SYNJ2BP: variants seen among roughly 807,000 people sequenced by gnomAD.
SYNJ2BP encodes synaptojanin-2-binding protein.
SYNJ2BP carries 10 observed loss-of-function variants against 16.9 expected under a neutral mutation model. That is an observed-to-expected ratio of 0.59 (90% CI 0.36 to 1.00). SYNJ2BP has a LOEUF of 1.00. SYNJ2BP is among the 50% of genes least tolerant of loss of function. The pLI is 0.01. For synonymous variants in SYNJ2BP, 54 were observed against 68.4 expected, an observed-to-expected ratio of 0.79 and a Z score of 1.04; for missense variants, 162 against 186.7, an observed-to-expected ratio of 0.87 and a Z score of 0.77.
chr14:70,381,311 C>G (rs1004004623), intron 2 of SYNJ2BP, among the ~76,000 whole-genome samples: 1 of 152,162 alleles, frequency 6.6e-6, no homozygotes, highest in Non-Finnish European at 1.5e-5. Flanking sequence ...TAAAGGTATT[C>G]TAATTTAAGA....
chr14:70,398,880 G>A (rs1888166488), intron 1 of SYNJ2BP, among the ~76,000 whole-genome samples: 1 of 152,168 alleles, frequency 6.6e-6, no homozygotes, highest in Non-Finnish European at 1.5e-5. Flanking sequence ...CTGAGGGGTG[G>A]CCTGGGACTC....
At chr14:70,385,569 C>T (rs1262648569) in intron 2 of SYNJ2BP, among the ~76,000 whole-genome samples, 5 of 151,452 alleles carry the variant, frequency 3.3e-5, no homozygotes, top group African/African-American at 1.2e-4. Flanking sequence ...TTAGTAGAGA[C>T]GGGGTTTTGC....
At chr14:70,380,598 G>C (rs1436451215) in intron 2 of SYNJ2BP, among the ~76,000 whole-genome samples, 2 of 150,628 alleles carry the variant, frequency 1.3e-5, no homozygotes, top group Non-Finnish European at 2.9e-5. Context: ...GGAGGCAGAG[G>C]TTGCAGTGAG....
At position 70,408,631 on chromosome 14, in the gene SYNJ2BP, C is replaced by T. The variant is rs547971716; in HGVS notation, c.64+8269G>A. Among the ~76,000 whole-genome samples the T allele has an allele frequency of 4.7e-5, 7 of 150,304 alleles. No individual in the cohort carries two copies. In the South Asian group the frequency reaches 1.5e-3, roughly 32 times the overall value. ...GAGGTTGCAGTGTGCTGAGACTGCG[C>T]CACTGCACTCCAGCCTGGGCAACAA... On this transcript the variant is annotated intron_variant, in intron 1 of 3. Transcript: ENST00000256366.
Position 70,375,704 on chromosome 14 carries a change from T to C in SYNJ2BP, c.269A>G (p.Tyr90Cys), listed in dbSNP as rs1209025933. Residue 90 changes from tyrosine to cysteine, a missense_variant, in exon 3 of 4, where the codon TAT becomes TGT. Physicochemically the swap from Tyr to Cys is radical, Grantham distance 194. Transcript: ENST00000256366. ...GTGCTGCACTCTCAGAGACACAGCA[T>C]AGCCTGCATTACGAAAGAGGTCTAC... ...DAVDLFRNAG[Y>C]AVSLRVQHRL... 5 of 1,614,136 alleles carry C rather than the reference T, an allele frequency of 3.1e-6. No individual in the cohort carries two copies. Among genetic ancestry groups the C allele is most frequent in the East Asian group, 4.5e-5 (2 of 44,880 alleles).
At position 70,367,343 on chromosome 14, in the gene SYNJ2BP, C is replaced by G. The variant is rs1887410727; in HGVS notation, c.*5648G>C. The G allele has an allele frequency of 6.6e-6, 1 of 151,886 alleles. No homozygotes were observed. The highest frequency in any genetic ancestry group is 2.4e-5 in the African/African-American group (1 of 41,356). The allele number at this position is 151,886 out of a possible 1,614,324, so 9.4% of individuals were successfully genotyped here. A position where few individuals can be genotyped will look rare whatever the true frequency, so the allele number is the denominator to read the frequency against. The stretch of plus-strand genomic sequence containing the variant: ...CTTTGGGAGGCCGAGATGGGTGGAT[C>G]ACGAGGTCAGGAATTCAAGACCAGC... On this transcript the variant is annotated 3_prime_UTR_variant, in exon 4 of 4. Coordinates refer to ENST00000256366, the MANE Select transcript of SYNJ2BP (RefSeq NM_018373.3).
chr14:70,388,741 G>C (rs1887915423), intron 1 of SYNJ2BP, 135 bp from the exon 2 acceptor site: 1 of 1,285,582 alleles, frequency 7.8e-7, no homozygotes. Flanking sequence ...GAGTCAGCCT[G>C]TGATGGAGCT....
chr14:70,413,051 C>G (rs1398144780), intron 1 of SYNJ2BP, among the ~76,000 whole-genome samples: 1 of 152,202 alleles, frequency 6.6e-6, no homozygotes, highest in Admixed American at 6.5e-5. Flanking sequence ...AAAAGGTAAA[C>G]TGTTCAACCC....
intron 2 of SYNJ2BP, among the ~76,000 whole-genome samples, chr14:70,385,158 A>G (rs1183762890): frequency 6.6e-6 from 1 of 152,088 alleles, no homozygotes; most frequent in East Asian, 1.9e-4. Context: ...TTTATCTCCC[A>G]TCATTTATCA....
rs1887479122 is a variant in SYNJ2BP, at chr14:70,369,823, T to C, written c.*3168A>G. The C allele has an allele frequency of 6.6e-6, 1 of 152,218 alleles. No homozygotes were observed. The highest frequency in any genetic ancestry group is 2.4e-5 in the African/African-American group (1 of 41,464). The allele number at this position is 152,218 out of a possible 1,614,324, so 9.4% of individuals were successfully genotyped here. A position where few individuals can be genotyped will look rare whatever the true frequency, so the allele number is the denominator to read the frequency against. ...TAATTATACATGTAATACAGAATGA[T>C]AGAGAAATGTTTTAAGTACTTAAAA... On this transcript the variant is annotated 3_prime_UTR_variant, in exon 4 of 4. Transcript: ENST00000256366.
chr14:70,408,027 G>A (rs139602392), intron 1 of SYNJ2BP, among the ~76,000 whole-genome samples: 107 of 151,828 alleles, frequency 7.0e-4, no homozygotes, highest in African/African-American at 2.5e-3. Flanking sequence ...ATTACACCTA[G>A]GTCAGGAATT....
At chr14:70,377,169 G>A (rs920484765) in intron 2 of SYNJ2BP, among the ~76,000 whole-genome samples, 2 of 152,064 alleles carry the variant, frequency 1.3e-5, no homozygotes, top group African/African-American at 4.8e-5. Flanking sequence ...TTCATCTACT[G>A]AATTTCCTCC....
At chr14:70,397,992 C>G (rs978991459) in intron 1 of SYNJ2BP, among the ~76,000 whole-genome samples, 1 of 152,238 alleles carries the variant, frequency 6.6e-6, no homozygotes, top group Non-Finnish European at 1.5e-5. Flanking sequence ...CTAGCAGAGA[C>G]AGTAGCTCTT....
intron 1 of SYNJ2BP, among the ~76,000 whole-genome samples, chr14:70,406,588 G>T (rs1007755561): frequency 2.6e-5 from 4 of 152,156 alleles, no homozygotes; most frequent in African/African-American, 9.7e-5. Flanking sequence ...TGCTCCAGGG[G>T]ATAACATCGC....
At chr14:70,413,619 CAG>C (rs1381036869) in intron 1 of SYNJ2BP, among the ~76,000 whole-genome samples, 1 of 152,152 alleles carries the variant, frequency 6.6e-6, no homozygotes, top group Non-Finnish European at 1.5e-5. Flanking sequence ...ACCCTGGTGA[CAG>C]AGTGAGACGC....
In SYNJ2BP at chr14:70,388,594, T is replaced by C. The variant is rs114400407; in HGVS notation, c.77A>G (p.Asn26Ser). 1.3e-6 allele frequency: 2 copies of C among 1,532,700 alleles called. No homozygotes were observed. Among genetic ancestry groups the C allele is most frequent in the African/African-American group, 1.4e-5 (1 of 70,782 alleles). 94.9% of individuals were successfully genotyped at this position (1,532,700 alleles called of 1,614,324 possible). ...LTRGPSGLGF[N>S]IVGGTDQQYV... ...CTGCTGATCTGTCCCACCGACGATG[T>C]TGAAGCCCAGCCCTGAGAAAATCAT... The change falls in exon 2 of 4, where the codon AAC (asparagine) becomes AGC (serine). Residue 26 changes from asparagine to serine, a missense_variant. Physicochemically the swap from Asn to Ser is conservative, Grantham distance 46 (BLOSUM62 1). Transcript: ENST00000256366.
At chr14:70,415,597 G>A (rs1452193362) in intron 1 of SYNJ2BP, among the ~76,000 whole-genome samples, 7 of 150,690 alleles carry the variant, frequency 4.6e-5, no homozygotes, top group Non-Finnish European at 1.5e-5. Flanking sequence ...AAGAAAAGAA[G>A]ACACAAAGTA....
At chr14:70,408,448 A>T (rs11158860) in intron 1 of SYNJ2BP, among the ~76,000 whole-genome samples, 2 of 152,122 alleles carry the variant, frequency 1.3e-5, no homozygotes, top group Admixed American at 1.3e-4. Context: ...AGATGGGTGG[A>T]TCACCTGAGA....
chr14:70,398,995 G>A (rs1888169624), intron 1 of SYNJ2BP, among the ~76,000 whole-genome samples: 1 of 152,174 alleles, frequency 6.6e-6, no homozygotes, highest in Non-Finnish European at 1.5e-5. Flanking sequence ...ACAAGTGTCA[G>A]GCTCGGAAGT....
Sources: gnomAD v4.1 joint callset for allele counts (sites outside exome capture counted in the v4.1 genomes callset) on GRCh38, gnomAD v4.1.1 for gene constraint, MANE v1.5 for transcripts, NCBI Gene and HGNC (gene_info 2026-07-23, HGNC 2026-07-21) for gene names.